Variants in RRP15 observed in about 807,000 individuals in gnomAD.
RRP15 encodes RRP15-like protein.
RRP15 carries 18 observed loss-of-function variants against 27.1 expected under a neutral mutation model. The observed-to-expected ratio is 0.66, with a 90% CI of 0.46 to 0.98. RRP15 has a LOEUF of 0.98. RRP15 is among the 50% of genes least tolerant of loss of function. The probability of loss-of-function intolerance (pLI) is 0.00; values close to 1 mark genes in which losing one functional copy is unlikely to be tolerated. For missense variants in RRP15, 359 were observed against 337.8 expected, an observed-to-expected ratio of 1.06 and a Z score of -0.49; for synonymous variants, 107 against 109.4, an observed-to-expected ratio of 0.98 and a Z score of 0.14.
intron 1 of RRP15, among the ~76,000 whole-genome samples, chr1:218,287,118 C>T (rs1655560208): frequency 6.6e-6 from 1 of 150,406 alleles, no homozygotes; most frequent in Admixed American, 6.6e-5. Flanking sequence ...GCGCATACCA[C>T]TGTACCTGGC....
At chr1:218,310,224 A>G (rs968293120) in intron 4 of RRP15, among the ~76,000 whole-genome samples, 1 of 152,226 alleles carries the variant, frequency 6.6e-6, no homozygotes, top group African/African-American at 2.4e-5. Flanking sequence ...ATGGAACAAA[A>G]GAAATCTTAT....
chr1:218,291,961 CA>C (rs1421273145), intron 1 of RRP15, among the ~76,000 whole-genome samples: 1 of 152,108 alleles, frequency 6.6e-6, no homozygotes, highest in Non-Finnish European at 1.5e-5. Context: ...CTTCAGCCTC[CA>C]AAGTAGCTAG....
Position 218,331,651 on chromosome 1 carries a change from C to CTTTTTTT in RRP15, c.*593_*599dup, listed in dbSNP as rs34150523. The CTTTTTTT allele has an allele frequency of 7.9e-4, 28 of 35,652 alleles. 7 individuals are homozygous for CTTTTTTT. The highest frequency in any genetic ancestry group is 1.7e-3 in the Admixed American group (4 of 2,346). The allele number at this position is 35,652 out of a possible 1,614,324, so 2.2% of individuals were successfully genotyped here. ...TGATTTAAGAAACAACAGATTTCAA[C>CTTTTTTT]TTTTTTTTTTTTTTTTTTTTTTTTT... is the stretch of plus-strand genomic sequence containing the variant. On this transcript the variant is annotated 3_prime_UTR_variant, in exon 5 of 5. Transcript: ENST00000366932.
rs1337200600 is a variant in RRP15, at chr1:218,333,239, T to G, written c.*2148T>G. On this transcript the variant is annotated 3_prime_UTR_variant, in exon 5 of 5. Coordinates refer to ENST00000366932, the MANE Select transcript of RRP15 (RefSeq NM_016052.4). ...GGCTATGAAGTATATATAAATTATA[T>G]GACAATTTTTATCATATAGATTTGA... 4 of 152,228 alleles carry G rather than the reference T, an allele frequency of 2.6e-5. No homozygotes were observed. Among genetic ancestry groups the G allele is most frequent in the African/African-American group, 9.6e-5 (4 of 41,468 alleles). 9.4% of individuals were successfully genotyped at this position (152,228 alleles called of 1,614,324 possible).
chr1:218,285,806 GT>G (rs1655536823), intron 1 of RRP15, among the ~76,000 whole-genome samples: 2 of 152,070 alleles, frequency 1.3e-5, no homozygotes, highest in South Asian at 4.2e-4. Context: ...CTCATAGGGT[GT>G]AAGAAGCAAA....
intron 1 of RRP15, among the ~76,000 whole-genome samples, chr1:218,287,468 CTTG>C (rs1352460966): frequency 3.3e-5 from 5 of 152,132 alleles, no homozygotes; most frequent in Non-Finnish European, 5.9e-5. Flanking sequence ...TCAATGAACA[CTTG>C]TTGTGTTCCC....
intron 4 of RRP15, among the ~76,000 whole-genome samples, chr1:218,320,217 C>A (rs1017826333): frequency 2.0e-5 from 3 of 151,532 alleles, no homozygotes; most frequent in South Asian, 2.1e-4. Flanking sequence ...CCCTTCCCCC[C>A]ACCCCACAAC....
At chr1:218,308,556 A>AT (rs1037509110) in intron 4 of RRP15, among the ~76,000 whole-genome samples, 2 of 152,140 alleles carry the variant, frequency 1.3e-5, no homozygotes, top group Non-Finnish European at 2.9e-5. Flanking sequence ...TCTGTCATAA[A>AT]TTTTTTTGTT....
At chr1:218,316,793 T>C (rs1451944505) in intron 4 of RRP15, among the ~76,000 whole-genome samples, 2 of 152,224 alleles carry the variant, frequency 1.3e-5, no homozygotes, top group African/African-American at 4.8e-5. Context: ...CTAAAAATTG[T>C]AGTCAAAGAT....
intron 4 of RRP15, among the ~76,000 whole-genome samples, chr1:218,323,806 G>T (rs943729121): frequency 6.6e-6 from 1 of 152,208 alleles, no homozygotes; most frequent in South Asian, 2.1e-4. Flanking sequence ...CCCAGTGTGC[G>T]TATACCCAGC....
intron 4 of RRP15, among the ~76,000 whole-genome samples, chr1:218,312,195 C>T (rs1033140152): frequency 1.3e-5 from 2 of 151,944 alleles, no homozygotes; most frequent in African/African-American, 4.8e-5. Flanking sequence ...ATGGCAGCCA[C>T]AGGAAACTAA....
At position 218,309,698 on chromosome 1, in the gene RRP15, A is replaced by AC. The variant is rs1471126689; in HGVS notation, c.705+2066_705+2067insC. ...ACTCCATCTCAAAAAAAAAAAAAAA[A>AC]AAAAAAAAAACATATTTATTAAGTG... On this transcript the variant is annotated intron_variant, in intron 4 of 4. Coordinates refer to ENST00000366932, the MANE Select transcript of RRP15 (RefSeq NM_016052.4). 5.9e-5 allele frequency among the ~76,000 whole-genome samples: 9 copies of AC among 151,588 alleles called. No homozygotes were observed. The East Asian group carries it at 1.7e-3, about 29-fold the overall frequency.
rs954909636 is a variant in RRP15, at chr1:218,332,881, A to AG, written c.*1790_*1791insG. ...ACACACAATTTTGAAAAAAAAAAAA[A>AG]AAAAGTGCAGCAACTTAAACACATT... On this transcript the variant is annotated 3_prime_UTR_variant, in exon 5 of 5. Transcript: ENST00000366932. The AG allele has an allele frequency of 2.6e-5, 4 of 152,024 alleles. No homozygotes were observed. The highest frequency in any genetic ancestry group is 9.7e-5 in the African/African-American group (4 of 41,394). 9.4% of individuals were successfully genotyped at this position (152,024 alleles called of 1,614,324 possible).
At chr1:218,316,894 A>T (rs1020683655) in intron 4 of RRP15, among the ~76,000 whole-genome samples, 2 of 152,194 alleles carry the variant, frequency 1.3e-5, no homozygotes, top group African/African-American at 4.8e-5. Context: ...CAATAATTTG[A>T]TTAAAATTAT....
At chr1:218,309,682 CAAAAA>C (rs751452477) in intron 4 of RRP15, among the ~76,000 whole-genome samples, 1 of 22,506 alleles carries the variant, frequency 4.4e-5, no homozygotes, top group Non-Finnish European at 1.3e-4. Context: ...GACTCCATCT[CAAAAA>C]AAAAAAAAAA....
At chr1:218,318,877 TAA>T (rs1163536922) in intron 4 of RRP15, among the ~76,000 whole-genome samples, 1 of 152,122 alleles carries the variant, frequency 6.6e-6, no homozygotes, top group African/African-American at 2.4e-5. Flanking sequence ...GATCCTTGCC[TAA>T]AACAGTTAAG....
chr1:218,313,584 T>G (rs1253430079), intron 4 of RRP15, among the ~76,000 whole-genome samples: 1 of 152,064 alleles, frequency 6.6e-6, no homozygotes, highest in Non-Finnish European at 1.5e-5. Context: ...AAAGATCAGG[T>G]TAACAGCAGC....
intron 4 of RRP15, among the ~76,000 whole-genome samples, chr1:218,325,129 C>A (rs770499613): frequency 1.3e-5 from 2 of 152,182 alleles, no homozygotes; most frequent in Non-Finnish European, 2.9e-5. Flanking sequence ...AAAGCATATT[C>A]TCCAGCGGTT....
intron 1 of RRP15, among the ~76,000 whole-genome samples, chr1:218,285,822 TAA>T (rs1392018498): frequency 6.6e-6 from 1 of 152,010 alleles, no homozygotes; most frequent in African/African-American, 2.4e-5. Flanking sequence ...AGCAAAAGGT[TAA>T]AAGAGGTAAG....
Sources: gnomAD v4.1 joint callset for allele counts (sites outside exome capture counted in the v4.1 genomes callset) on GRCh38, gnomAD v4.1.1 for gene constraint, MANE v1.5 for transcripts, NCBI Gene and HGNC (gene_info 2026-07-23, HGNC 2026-07-21) for gene names.